Variants in DENND2A observed in about 807,000 individuals in gnomAD.
The protein encoded by DENND2A is DENN domain containing 2A.
A neutral mutation model predicts 105.3 loss-of-function variants in DENND2A; 53 were observed. That is an observed-to-expected ratio of 0.50 (90% CI 0.40 to 0.63). The LOEUF is 0.63. DENND2A is among the 30% of genes least tolerant of loss of function. The pLI is 0.00. For missense variants in DENND2A, 1,138 were observed against 1,279.6 expected, an observed-to-expected ratio of 0.89 and a Z score of 1.69; for synonymous variants, 522 against 508.4, an observed-to-expected ratio of 1.03 and a Z score of -0.36.
intron 7 of DENND2A, among the ~76,000 whole-genome samples, 167 bp downstream of exon 7, chr7:140,569,478 G>T (rs538167336): frequency 6.6e-6 from 1 of 152,184 alleles, no homozygotes; most frequent in Admixed American, 6.5e-5. Flanking sequence ...ATGCTGCCCC[G>T]GCTGAGCTCC....
rs1797973198 is a variant in DENND2A at position 140,568,778 on chromosome 7, C to G, written c.1576G>C (p.Glu526Gln). ...CTCTCCTCACCTTTCAGCTTCTCCT[C>G]TGTGTCACTGTCAGACTCACTGTTC... ...DENSESDSDTEEKLKAHSQRL... is the reference protein window; with the variant it reads ...DENSESDSDTQEKLKAHSQRL... The change falls in exon 8 of 20, where the codon GAG (glutamate) becomes CAG (glutamine). Residue 526 changes from glutamate to glutamine, a missense_variant. Around this residue, in one of 2 missense-constraint regions of DENND2A, gnomAD observed 627 missense variants for 779.8 expected, o/e 0.80. Transcript: ENST00000496613. 1 of 1,614,062 alleles carries G rather than the reference C, an allele frequency of 6.2e-7. No individual in the cohort carries two copies. Among genetic ancestry groups the G allele is most frequent in the African/African-American group, 1.3e-5 (1 of 74,930 alleles).
chr7:140,585,477 G>A (rs1004417424), intron 5 of DENND2A, 112 bp downstream of exon 5: 68 of 1,452,638 alleles, frequency 4.7e-5, no homozygotes, highest in Admixed American at 1.4e-4. Context: ...CCAGGAGCCC[G>A]GCAGGGCAGG....
rs1585545231 is a variant in DENND2A, at chr7:140,523,490, T to G, written c.2548-66A>C. The G allele has an allele frequency of 2.9e-6, 4 of 1,382,138 alleles. No homozygotes were observed. The highest frequency in any genetic ancestry group is 1.2e-5 in the South Asian group (1 of 85,568). 85.6% of individuals were successfully genotyped at this position (1,382,138 alleles called of 1,614,324 possible). A position where few individuals can be genotyped will look rare whatever the true frequency, so the allele number is the denominator to read the frequency against. ...GCTGCGTCTTGGCCATAGGACACAC[T>G]GGAGCCACTGCAGGGCAGGCCTGGC... On this transcript the variant is annotated intron_variant, in intron 16 of 19. Coordinates refer to ENST00000496613, the MANE Select transcript of DENND2A (RefSeq NM_015689.5). This position sits in a 1 kb window ranked among gnomAD's most constrained non-coding sequence, Gnocchi z 4.5.
rs186631648 is a variant in DENND2A, at chr7:140,632,468, C to T, written c.-248+8036G>A. On this transcript the variant is annotated intron_variant, in intron 1 of 19. Coordinates refer to ENST00000496613, the MANE Select transcript of DENND2A (RefSeq NM_015689.5). ...CAGCAAGGAGAATGAATGAGCATAT[C>T]CAACTCTCAGCCTTTACCAGCGTGG... Among the ~76,000 whole-genome samples the T allele has an allele frequency of 1.4e-3, 220 of 152,278 alleles. 1 individual carries two copies. Among genetic ancestry groups the T allele is most frequent in the African/African-American group, 5.0e-3 (208 of 41,548 alleles).
intron 17 of DENND2A, 137 bp from the exon 18 acceptor site, chr7:140,522,237 G>T: frequency 9.2e-7 from 1 of 1,085,408 alleles, no homozygotes; most frequent in South Asian, 1.8e-5. Context: ...CAGGAGGAGG[G>T]TTACCCAGGT....
At chr7:140,633,444 C>T (rs996611919) in intron 1 of DENND2A, among the ~76,000 whole-genome samples, 3 of 152,134 alleles carry the variant, frequency 2.0e-5, no homozygotes, top group Non-Finnish European at 4.4e-5. Context: ...TGTGAGCCAC[C>T]GCGCCTGGCC....
chr7:140,637,596 C>T (rs1193722379), intron 1 of DENND2A, among the ~76,000 whole-genome samples: 1 of 152,180 alleles, frequency 6.6e-6, no homozygotes, highest in African/African-American at 2.4e-5. Flanking sequence ...CCTTTTCCTA[C>T]CCCTTTAGAG....
At chr7:140,562,335 C>T (rs188991839) in intron 9 of DENND2A, among the ~76,000 whole-genome samples, 1 of 152,200 alleles carries the variant, frequency 6.6e-6, no homozygotes, top group East Asian at 1.9e-4. Context: ...TCCAAAGGCA[C>T]AGAGCACCAG....
At chr7:140,567,300 GAGAA>G (rs201845097) in intron 8 of DENND2A, 27 bp from the exon 9 acceptor site, 41,172 of 973,898 alleles carry the variant, frequency 0.042, 372 homozygotes, top group African/African-American at 0.08. Flanking sequence ...GAGAGAAAGA[GAGAA>G]AGAGAGAGAG....
chr7:140,630,998 C>T (rs1459523315), intron 1 of DENND2A, among the ~76,000 whole-genome samples: 1 of 152,128 alleles, frequency 6.6e-6, no homozygotes, highest in Non-Finnish European at 1.5e-5. Flanking sequence ...GAGTGTGGGA[C>T]ACCCTATTTA....
intron 2 of DENND2A, among the ~76,000 whole-genome samples, chr7:140,605,461 G>A (rs1799655984): frequency 6.6e-6 from 1 of 152,212 alleles, no homozygotes; most frequent in African/African-American, 2.4e-5. Flanking sequence ...GCGTCATGGG[G>A]ATAGGGCTAA....
At chr7:140,583,635 A>G (rs574370829) in intron 5 of DENND2A, among the ~76,000 whole-genome samples, 1 of 150,500 alleles carries the variant, frequency 6.6e-6, no homozygotes, top group African/African-American at 2.5e-5. Context: ...ACAATCATAT[A>G]AAAGTCAAAT....
Position 140,577,408 on chromosome 7 carries a change from T to C in DENND2A, c.1246-3400A>G, listed in dbSNP as rs199560497. ...GATCAGAAAACTTTTTCTTTTTTTTTTTTTTTTGAGATGGAGTCTCGCTCT... is the reference window on the plus strand; with the variant it reads ...GATCAGAAAACTTTTTCTTTTTTTTCTTTTTTTGAGATGGAGTCTCGCTCT... On this transcript the variant is annotated intron_variant, in intron 5 of 19. Coordinates refer to ENST00000496613, the MANE Select transcript of DENND2A (RefSeq NM_015689.5). Among the ~76,000 whole-genome samples the C allele has an allele frequency of 2.0e-5, 3 of 151,902 alleles. No individual in the cohort carries two copies. The East Asian group carries it at 5.8e-4, about 29-fold the overall frequency.
intron 14 of DENND2A, among the ~76,000 whole-genome samples, chr7:140,529,750 A>G (rs1018765824): frequency 1.7e-4 from 26 of 151,266 alleles, no homozygotes; most frequent in African/African-American, 6.1e-4. Context: ...CAAGGAGAAC[A>G]CTTGGACACA....
intron 1 of DENND2A, among the ~76,000 whole-genome samples, chr7:140,626,335 T>C (rs899516765): frequency 7.9e-5 from 12 of 152,230 alleles, no homozygotes; most frequent in Non-Finnish European, 1.6e-4. Context: ...GGCTGCCATT[T>C]TGTGGCTTCT....
intron 6 of DENND2A, 56 bp downstream of exon 6, chr7:140,573,751 TC>T: frequency 6.4e-7 from 1 of 1,568,304 alleles, no homozygotes; most frequent in Non-Finnish European, 8.7e-7. Context: ...TCTGCAGTCT[TC>T]TTTCACAGAG....
chr7:140,607,580 T>A (rs2130697788), intron 1 of DENND2A, among the ~76,000 whole-genome samples: 1 of 152,230 alleles, frequency 6.6e-6, no homozygotes, highest in South Asian at 2.1e-4. Context: ...GGCTTGCCCA[T>A]CCCGTCATGC....
At position 140,541,980 on chromosome 7, in the gene DENND2A, C is replaced by CT. The variant is rs932268351; in HGVS notation, c.2327+2637dup. Among the ~76,000 whole-genome samples, 7 of 151,474 alleles carry CT rather than the reference C, an allele frequency of 4.6e-5. No homozygotes were observed. In the East Asian group the frequency reaches 5.8e-4, roughly 13 times the overall value. On this transcript the variant is annotated intron_variant, in intron 14 of 19. Coordinates refer to ENST00000496613, the MANE Select transcript of DENND2A (RefSeq NM_015689.5). Reference sequence around the variant, plus strand: ...GTTTGTCCCTTCCATTCTTCTATGCCTTTTTTTTTCCTTCCCTTTTGTTTT... The same window carrying CT: ...GTTTGTCCCTTCCATTCTTCTATGCCTTTTTTTTTTCCTTCCCTTTTGTTTT...
At chr7:140,562,318 A>T (rs1797649466) in intron 9 of DENND2A, among the ~76,000 whole-genome samples, 1 of 152,144 alleles carries the variant, frequency 6.6e-6, no homozygotes, top group Non-Finnish European at 1.5e-5. Flanking sequence ...GGCTCTGAAG[A>T]AGAGTATCCA....
Sources: gnomAD v4.1 joint callset for allele counts (sites outside exome capture counted in the v4.1 genomes callset) on GRCh38, gnomAD v4.1.1 for gene constraint, gnomAD v4.1.1 regional missense constraint, Gnocchi (gnomAD v3.1) non-coding constraint, MANE v1.5 for transcripts, NCBI Gene and HGNC (gene_info 2026-07-23, HGNC 2026-07-21) for gene names.